Variants in DDX39A observed in about 807,000 individuals in gnomAD.
DDX39A encodes the protein ATP-dependent RNA helicase DDX39A.
In DDX39A, 13 loss-of-function variants were observed where a neutral mutation model predicts 46.3. The ratio of observed to expected loss-of-function variants is 0.28; its 90% CI spans 0.18 to 0.45. The LOEUF (loss-of-function observed/expected upper bound fraction) is 0.45. Among genes scored for constraint, DDX39A ranks in the 20% least tolerant of loss-of-function variants. The pLI, the probability that DDX39A is intolerant of heterozygous loss-of-function variation, is 1.00. For missense variants in DDX39A, 352 were observed against 581.8 expected (o/e 0.61, Z 4.06); for synonymous variants, 234 against 224.6 (o/e 1.04, Z -0.38).
Position 14,410,447 on chromosome 19 carries a change from G to A in DDX39A, c.614-113C>T. The A allele has an allele frequency of 2.2e-6, 2 of 926,690 alleles. No individual in the cohort carries two copies. The highest frequency in any genetic ancestry group is 1.4e-5 in the South Asian group (1 of 71,308). The allele number at this position is 926,690 out of a possible 1,614,324, so 57.4% of individuals were successfully genotyped here. ...TGTGCCAGGGAGCCAGTGGCACCGT[G>A]ACGAGGGCAGAGTGAGCCGCGGGAG... On this transcript the variant is annotated intron_variant, in intron 5 of 10. Transcript: ENST00000242776. This position sits in a 1 kb window ranked among gnomAD's most constrained non-coding sequence, Gnocchi z 4.3.
intron 1 of DDX39A, among the ~76,000 whole-genome samples, chr19:14,418,533 C>G (rs1976911446): frequency 1.3e-5 from 2 of 152,136 alleles, no homozygotes; most frequent in Admixed American, 6.6e-5. Flanking sequence ...TCTCGGCTCA[C>G]TGTAACCTCC....
intron 1 of DDX39A, among the ~76,000 whole-genome samples, chr19:14,415,115 C>T (rs986411422): frequency 1.3e-5 from 2 of 152,192 alleles, no homozygotes; most frequent in South Asian, 2.1e-4. Flanking sequence ...GTACCCTTTA[C>T]GTATCCATAC....
intron 1 of DDX39A, chr19:14,418,822 A>G (rs1976925634): frequency 2.3e-6 from 1 of 426,482 alleles, no homozygotes; most frequent in Non-Finnish European, 4.6e-6. Flanking sequence ...AAAGTAGACC[A>G]AGAAGAAGGT....
In DDX39A at chr19:14,411,701, T is replaced by A; in HGVS notation, c.337-103A>T. 4 of 1,035,408 alleles carry A rather than the reference T, an allele frequency of 3.9e-6. No homozygotes were observed. The highest frequency in any genetic ancestry group is 5.8e-6 in the Non-Finnish European group (4 of 685,244). The allele number at this position is 1,035,408 out of a possible 1,614,324, so 64.1% of individuals were successfully genotyped here. On this transcript the variant is annotated intron_variant, in intron 3 of 10. Coordinates refer to ENST00000242776, the MANE Select transcript of DDX39A (RefSeq NM_005804.4). This position sits in a 1 kb window ranked among gnomAD's most constrained non-coding sequence, Gnocchi z 4.1. ...AGTCCCCCTGACACTGCACCCAACA[T>A]CACAGGCCATTTGAAGGCCCGGTCC... is the stretch of plus-strand genomic sequence containing the variant.
At position 14,408,867 on chromosome 19, in the gene DDX39A, T is replaced by G; in HGVS notation, c.*69A>C. ...CATACAATCTCTAGCTTCTCAACAG[T>G]GGCGCCTGGAAAGGGGAGGTGAAGC... On this transcript the variant is annotated 3_prime_UTR_variant, in exon 11 of 11. Transcript: ENST00000242776. 6.6e-7 allele frequency: 1 copy of G among 1,525,200 alleles called. No individual in the cohort carries two copies. The highest frequency in any genetic ancestry group is 8.8e-7 in the Non-Finnish European group (1 of 1,136,054). 94.5% of individuals were successfully genotyped at this position (1,525,200 alleles called of 1,614,324 possible).
chr19:14,415,599 A>C (rs1976780629), intron 1 of DDX39A, among the ~76,000 whole-genome samples: 1 of 150,188 alleles, frequency 6.7e-6, no homozygotes, highest in South Asian at 2.2e-4. Flanking sequence ...ACCTGGCCTC[A>C]TTTCTTTCCA....
chr19:14,416,576 G>A (rs1465321171), intron 1 of DDX39A, among the ~76,000 whole-genome samples: 1 of 152,214 alleles, frequency 6.6e-6, no homozygotes, highest in Non-Finnish European at 1.5e-5. Context: ...AGGTCAGTCC[G>A]AAAAGCACCA....
At chr19:14,416,981 C>T (rs1378629811) in intron 1 of DDX39A, among the ~76,000 whole-genome samples, 1 of 152,178 alleles carries the variant, frequency 6.6e-6, no homozygotes, top group South Asian at 2.1e-4. Flanking sequence ...CCCACCACGC[C>T]CAGCCTGGGC....
At position 14,409,498 on chromosome 19, in the gene DDX39A, G is replaced by A. The variant is rs1174153519; in HGVS notation, c.974+38C>T. On this transcript the variant is annotated intron_variant, in intron 8 of 10. Transcript: ENST00000242776. This position sits in a 1 kb window ranked among gnomAD's most constrained non-coding sequence, Gnocchi z 8.3. ...GGCCGTCAGACACTGGGCTCCTGGT[G>A]GTGCTCCCTGCAGCCTTGGCGGGCG... is the stretch of plus-strand genomic sequence containing the variant. 1 of 1,611,244 alleles carries A rather than the reference G, an allele frequency of 6.2e-7. No homozygotes were observed. The highest frequency in any genetic ancestry group is 1.7e-4 in the Middle Eastern group (1 of 6,058).
chr19:14,415,719 C>T (rs1175236568), intron 1 of DDX39A, among the ~76,000 whole-genome samples: 1 of 152,028 alleles, frequency 6.6e-6, no homozygotes, highest in Non-Finnish European at 1.5e-5. Context: ...TATCCTCCTC[C>T]CTGGTTTCCC....
At position 14,410,535 on chromosome 19, in the gene DDX39A, G is replaced by T. The variant is rs1175334701; in HGVS notation, c.614-201C>A. 2 of 596,480 alleles carry T rather than the reference G, an allele frequency of 3.4e-6. No homozygotes were observed. The highest frequency in any genetic ancestry group is 1.9e-5 in the African/African-American group (1 of 53,766). 36.9% of individuals were successfully genotyped at this position (596,480 alleles called of 1,614,324 possible). Reference sequence around the variant, plus strand: ...AGCGAGCGCAGGCGCGGGAGGAGCTGCAATCCACTTACACGCTGGCGCGGA... The same window carrying T: ...AGCGAGCGCAGGCGCGGGAGGAGCTTCAATCCACTTACACGCTGGCGCGGA... On this transcript the variant is annotated intron_variant, in intron 5 of 10. Transcript: ENST00000242776. This position sits in a 1 kb window ranked among gnomAD's most constrained non-coding sequence, Gnocchi z 4.3.
chr19:14,412,340 A>G lies in DDX39A; in HGVS notation c.336+211T>C, dbSNP rs1194635243. On this transcript the variant is annotated intron_variant, in intron 3 of 10. Coordinates refer to ENST00000242776, the MANE Select transcript of DDX39A (RefSeq NM_005804.4). This position sits in a 1 kb window ranked among gnomAD's most constrained non-coding sequence, Gnocchi z 4.4. The stretch of plus-strand genomic sequence containing the variant: ...TTTCTAATTTTTGTTATAACTAATT[A>G]TTTTTTGAGATGGAGTCTACCTCTG... 5.8e-6 allele frequency: 3 copies of G among 521,732 alleles called. No homozygotes were observed. Among genetic ancestry groups the G allele is most frequent in the Non-Finnish European group, 9.7e-6 (3 of 310,048 alleles). 32.3% of individuals were successfully genotyped at this position (521,732 alleles called of 1,614,324 possible).
intron 1 of DDX39A, chr19:14,419,034 C>G (rs1220755792): frequency 6.6e-6 from 3 of 454,264 alleles, no homozygotes; most frequent in Non-Finnish European, 4.4e-6. Context: ...ACAGCCCCTC[C>G]GAGAAGCGGG....
chr19:14,412,424 G>A lies in DDX39A; in HGVS notation c.336+127C>T. 1 of 1,353,530 alleles carries A rather than the reference G, an allele frequency of 7.4e-7. No individual in the cohort carries two copies. Among genetic ancestry groups the A allele is most frequent in the South Asian group, 1.4e-5 (1 of 72,684 alleles). The allele number at this position is 1,353,530 out of a possible 1,614,324, so 83.8% of individuals were successfully genotyped here. ...GCACACTGCAGCCTCGACTTCCTGG[G>A]CTCAAGCAATCCTCCAGCCTCAGCT... On this transcript the variant is annotated intron_variant, in intron 3 of 10. Coordinates refer to ENST00000242776, the MANE Select transcript of DDX39A (RefSeq NM_005804.4). This position sits in a 1 kb window ranked among gnomAD's most constrained non-coding sequence, Gnocchi z 4.4.
chr19:14,418,864 C>T (rs1599302853), intron 1 of DDX39A: 1 of 455,432 alleles, frequency 2.2e-6, no homozygotes, highest in East Asian at 7.0e-5. Flanking sequence ...CCCTCGGACC[C>T]AAAGAAACCC....
Position 14,410,256 on chromosome 19 carries a change from C to T in DDX39A, c.692G>A (p.Ser231Asn), listed in dbSNP as rs765929999. The change falls in exon 6 of 11, where the codon AGC (serine) becomes AAC (asparagine). Residue 231 changes from serine to asparagine, a missense_variant. By Grantham distance (46) the Ser-to-Asn change is conservative (BLOSUM62 1). Around this residue, in one of 3 missense-constraint regions of DDX39A, gnomAD observed 301 missense variants for 469.9 expected, o/e 0.64. Coordinates refer to ENST00000242776, the MANE Select transcript of DDX39A (RefSeq NM_005804.4). The surrounding 1 kb of genome is among the most constrained non-coding windows in gnomAD (Gnocchi z 4.3). The stretch of plus-strand genomic sequence containing the variant: ...CCTGCACACAGGCCGGATGTCCTTG[C>T]TCAGGGTGGCGCTGAACATCATGCA... Reference protein sequence around the residue: ...KQCMMFSATLSKDIRPVCRKF... With the variant: ...KQCMMFSATLNKDIRPVCRKF... The T allele has an allele frequency of 3.1e-6, 5 of 1,614,072 alleles. No homozygotes were observed. In the African/African-American group the frequency reaches 5.3e-5, roughly 17 times the overall value.
Position 14,412,592 on chromosome 19 carries a change from C to G in DDX39A, c.295G>C (p.Val99Leu). The change falls in exon 3 of 11, where the codon GTG becomes CTG. Residue 99 changes from valine (V) to leucine (L), a missense_variant. Physicochemically the swap from Val to Leu is conservative, Grantham distance 32 (BLOSUM62 1). Transcript: ENST00000242776. This position sits in a 1 kb window ranked among gnomAD's most constrained non-coding sequence, Gnocchi z 4.4. ...KSGMGKTAVFVLATLQQIEPV... is the reference protein window; with the variant it reads ...KSGMGKTAVFLLATLQQIEPV... Reference sequence around the variant, plus strand: ...TCAATCTGCTGTAGGGTGGCCAGCACGAAGACCGCTGTCTTGCCCATCCCG... The same window carrying G: ...TCAATCTGCTGTAGGGTGGCCAGCAGGAAGACCGCTGTCTTGCCCATCCCG... The G allele has an allele frequency of 6.2e-7, 1 of 1,610,814 alleles. No homozygotes were observed. Among genetic ancestry groups the G allele is most frequent in the Non-Finnish European group, 8.5e-7 (1 of 1,180,010 alleles).
chr19:14,409,553 G>A lies in DDX39A; in HGVS notation c.957C>T (p.Gly319=). The A allele has an allele frequency of 6.2e-7, 1 of 1,609,952 alleles. No individual in the cohort carries two copies. Among genetic ancestry groups the A allele is most frequent in the East Asian group, 2.2e-5 (1 of 44,844 alleles). Residue 319 remains glycine, a synonymous_variant, in exon 8 of 11, where the codon GGC becomes GGT. Transcript: ENST00000242776. This position sits in a 1 kb window ranked among gnomAD's most constrained non-coding sequence, Gnocchi z 8.3. ...QNFPAIAIHR[G]MAQEERLSRY... The stretch of plus-strand genomic sequence containing the variant: ...GCACTCACCGCTCCTCCTGGGCCAT[G>A]CCCCGGTGGATGGCGATGGCCGGGA...
intron 1 of DDX39A, chr19:14,418,919 C>G (rs1166853282): frequency 2.2e-6 from 1 of 456,286 alleles, no homozygotes; most frequent in Non-Finnish European, 4.4e-6. Flanking sequence ...GCCCCAGACC[C>G]CGGCGTCACC....
Sources: allele counts gnomAD v4.1 joint callset (sites outside exome capture counted in the v4.1 genomes callset), GRCh38; gene constraint gnomAD v4.1.1; regional missense constraint gnomAD v4.1.1; non-coding constraint Gnocchi (gnomAD v3.1); transcripts MANE v1.5; gene names NCBI Gene and HGNC (gene_info 2026-07-23, HGNC 2026-07-21).